CLCN5: variants seen among roughly 807,000 people sequenced by gnomAD.
CLCN5 encodes Cl-/H+ antiporter 5, also known as H(+)/Cl(-) exchange transporter 5.
CLCN5 carries 17 observed loss-of-function variants against 54.0 expected under a neutral mutation model. The ratio of observed to expected loss-of-function variants is 0.31; its 90% CI spans 0.22 to 0.47. The LOEUF (loss-of-function observed/expected upper bound fraction) is 0.47, where lower values mean the gene tolerates loss of function less well. Ranked by LOEUF, CLCN5 falls within the 20% of genes least tolerant of loss-of-function variation. The pLI is 1.00. For synonymous variants in CLCN5, 222 were observed against 233.0 expected (o/e 0.95, Z 0.43); for missense variants, 448 against 646.7 (o/e 0.69, Z 3.33).
At chrX:50,030,402 T>C (rs1039193034) in intron 3 of CLCN5, among the ~76,000 whole-genome samples, 1 of 112,119 alleles carries the variant, frequency 8.9e-6, no homozygotes, top group Admixed American at 9.5e-5. Flanking sequence ...TTAGTAGATT[T>C]ACCTCCTAAT....
At chrX:49,933,268 A>C (rs1457706355) in intron 3 of CLCN5, among the ~76,000 whole-genome samples, 3 of 112,164 alleles carry the variant, frequency 2.7e-5, no homozygotes, top group Non-Finnish European at 5.6e-5. Flanking sequence ...ATTTAAAAAG[A>C]AATGAGTTCC....
intron 3 of CLCN5, among the ~76,000 whole-genome samples, chrX:49,948,372 G>T (rs1463988315): frequency 2.7e-5 from 3 of 111,062 alleles, no homozygotes; most frequent in African/African-American, 9.8e-5. Flanking sequence ...GCTGCAATCA[G>T]GATACCCTTA....
intron 3 of CLCN5, among the ~76,000 whole-genome samples, chrX:49,940,033 A>G (rs1428902610): frequency 1.8e-5 from 2 of 111,592 alleles, no homozygotes; most frequent in Non-Finnish European, 3.8e-5. Context: ...CCCACTGTAT[A>G]TGGAATGAAG....
At chrX:49,965,153 A>G (rs1186681982) in intron 3 of CLCN5, among the ~76,000 whole-genome samples, 1 of 111,759 alleles carries the variant, frequency 8.9e-6, no homozygotes, top group Non-Finnish European at 1.9e-5. Context: ...AATCAGGAGC[A>G]TCAGAGTAAC....
chrX:50,077,474 C>G (rs782002935), intron 7 of CLCN5, among the ~76,000 whole-genome samples: 1 of 106,921 alleles, frequency 9.4e-6, no homozygotes, highest in Admixed American at 1.0e-4. Flanking sequence ...AAAAAAAAAT[C>G]TTTCAGCTCT....
intron 3 of CLCN5, among the ~76,000 whole-genome samples, chrX:49,964,058 T>C (rs1347903302): frequency 8.9e-6 from 1 of 112,164 alleles, no homozygotes; most frequent in African/African-American, 3.2e-5. Context: ...CCAGCAACCA[T>C]TTATTGAGCA....
intron 3 of CLCN5, among the ~76,000 whole-genome samples, chrX:49,980,108 G>T (rs782378823): frequency 7.2e-5 from 8 of 110,506 alleles, no homozygotes; most frequent in Non-Finnish European, 1.3e-4. Flanking sequence ...ATGATTATTG[G>T]AATGCTGAAT....
At chrX:50,044,971 T>G (rs1932347089) in intron 4 of CLCN5, among the ~76,000 whole-genome samples, 1 of 110,935 alleles carries the variant, frequency 9.0e-6, no homozygotes, top group African/African-American at 3.3e-5. Context: ...GACCTAGAAC[T>G]TAGAGCTAGC....
intron 3 of CLCN5, among the ~76,000 whole-genome samples, chrX:50,027,013 CTTTCTTTT>C (rs1216638487): frequency 9.8e-6 from 1 of 102,058 alleles, no homozygotes; most frequent in Non-Finnish European, 1.9e-5. Flanking sequence ...TTCTTTCTTT[CTTTCTTTT>C]TTTTTTTTTT....
intron 7 of CLCN5, among the ~76,000 whole-genome samples, chrX:50,076,235 G>A (rs1459025325): frequency 9.0e-6 from 1 of 111,380 alleles, no homozygotes; most frequent in Non-Finnish European, 1.9e-5. Context: ...TTTCTTCTTA[G>A]GTACTAGTAC....
At chrX:50,070,304 A>T (rs1378265680) in intron 5 of CLCN5, among the ~76,000 whole-genome samples, 1 of 112,227 alleles carries the variant, frequency 8.9e-6, no homozygotes, top group Non-Finnish European at 1.9e-5. Flanking sequence ...CATAATTTTT[A>T]TCCTAAATTT....
At chrX:49,946,486 C>T (rs1926751525) in intron 3 of CLCN5, among the ~76,000 whole-genome samples, 1 of 111,980 alleles carries the variant, frequency 8.9e-6, no homozygotes, top group African/African-American at 3.3e-5. Flanking sequence ...GCCTGCAATT[C>T]CCTGTCACAT....
chrX:49,973,620 A>G (rs1393556735), intron 3 of CLCN5, among the ~76,000 whole-genome samples: 1 of 109,466 alleles, frequency 9.1e-6, no homozygotes, highest in African/African-American at 3.3e-5. Context: ...AATGATCTTA[A>G]GTATACAGAT....
chrX:50,066,038 G>A (rs1274184260), intron 4 of CLCN5, among the ~76,000 whole-genome samples: 1 of 102,435 alleles, frequency 9.8e-6, no homozygotes, highest in African/African-American at 3.7e-5. Flanking sequence ...GGAAGGGATA[G>A]CATTGGGAGA....
chrX:49,932,327 A>C (rs1557168986), intron 3 of CLCN5, among the ~76,000 whole-genome samples: 1 of 112,562 alleles, frequency 8.9e-6, no homozygotes, highest in Non-Finnish European at 1.9e-5. Flanking sequence ...AATGATCCAA[A>C]GTTGTTGCAC....
intron 5 of CLCN5, among the ~76,000 whole-genome samples, chrX:50,072,235 C>G (rs1354759695): frequency 3.6e-5 from 4 of 111,631 alleles, no homozygotes; most frequent in African/African-American, 9.8e-5. Context: ...CAAGTTGATG[C>G]TATAAGAAAT....
At chrX:49,989,505 C>T (rs1008272442) in intron 3 of CLCN5, among the ~76,000 whole-genome samples, 8 of 112,167 alleles carry the variant, frequency 7.1e-5, no homozygotes, top group Non-Finnish European at 1.3e-4. Flanking sequence ...TTTCTCTCCT[C>T]CAAAAGATGT....
intron 3 of CLCN5, among the ~76,000 whole-genome samples, chrX:50,040,792 T>C (rs191012700): frequency 5.4e-5 from 6 of 112,020 alleles, no homozygotes. Context: ...TTTTTGTATC[T>C]GGCCCACTAT....
intron 3 of CLCN5, among the ~76,000 whole-genome samples, chrX:50,009,207 G>T (rs782272417): frequency 6.3e-5 from 7 of 111,781 alleles, no homozygotes; most frequent in African/African-American, 9.8e-5. Flanking sequence ...CTTCATCATT[G>T]CCCTGGACAA....
Sources: allele counts gnomAD v4.1 joint callset (sites outside exome capture counted in the v4.1 genomes callset), GRCh38; gene constraint gnomAD v4.1.1; transcripts MANE v1.5; gene names NCBI Gene and HGNC (gene_info 2026-07-23, HGNC 2026-07-21).